The following VWC2L variants were observed in gnomAD, a reference collection of about 807,000 sequenced individuals.
VWC2L encodes von Willebrand factor C domain containing 2 like, also known as von Willebrand factor C domain-containing protein 2-like.
Under a neutral mutation model 21.6 loss-of-function variants are expected in VWC2L, and 10 were observed. That is an observed-to-expected ratio of 0.46 (90% CI 0.29 to 0.78). VWC2L has a LOEUF of 0.78. VWC2L is among the 30% of genes least tolerant of loss of function. The probability of loss-of-function intolerance (pLI) is 0.10; values close to 1 mark genes in which losing one functional copy is unlikely to be tolerated. For missense variants in VWC2L, 209 were observed against 277.1 expected, an observed-to-expected ratio of 0.75 and a Z score of 1.74; for synonymous variants, 96 against 94.3, an observed-to-expected ratio of 1.02 and a Z score of -0.10.
At chr2:214,508,180 G>A (rs1049439900) in intron 3 of VWC2L, among the ~76,000 whole-genome samples, 1 of 152,040 alleles carries the variant, frequency 6.6e-6, no homozygotes, top group Non-Finnish European at 1.5e-5. Flanking sequence ...GTTTTACCGT[G>A]TTAGCCAGGA....
intron 3 of VWC2L, among the ~76,000 whole-genome samples, chr2:214,458,841 T>G (rs889161589): frequency 5.3e-5 from 8 of 152,216 alleles, no homozygotes; most frequent in Non-Finnish European, 7.4e-5. Context: ...GCCTAACATA[T>G]GGTCTATCCC....
chr2:214,505,449 T>C (rs1688954745), intron 3 of VWC2L, among the ~76,000 whole-genome samples: 1 of 152,206 alleles, frequency 6.6e-6, no homozygotes, highest in African/African-American at 2.4e-5. Flanking sequence ...AAATCAGCTT[T>C]TGTTCCATGT....
At chr2:214,494,543 C>G (rs1050453729) in intron 3 of VWC2L, among the ~76,000 whole-genome samples, 6 of 152,132 alleles carry the variant, frequency 3.9e-5, no homozygotes, top group Non-Finnish European at 7.3e-5. Context: ...TCTTTAACCT[C>G]TCATGTTTGT....
At chr2:214,517,508 T>C (rs764160830) in intron 3 of VWC2L, among the ~76,000 whole-genome samples, 17 of 152,150 alleles carry the variant, frequency 1.1e-4, no homozygotes, top group Admixed American at 6.5e-4. Flanking sequence ...GATCCAGGTG[T>C]CAGTATTTCT....
intron 3 of VWC2L, among the ~76,000 whole-genome samples, chr2:214,555,207 G>A (rs959527663): frequency 2.0e-5 from 3 of 152,082 alleles, no homozygotes; most frequent in Non-Finnish European, 4.4e-5. Context: ...CCTATGACCT[G>A]GAAGACCCTT....
chr2:214,511,456 G>C (rs971222051), intron 3 of VWC2L, among the ~76,000 whole-genome samples: 1 of 152,088 alleles, frequency 6.6e-6, no homozygotes, highest in African/African-American at 2.4e-5. Flanking sequence ...AATGCCGTAA[G>C]ACTGTGGCCT....
chr2:214,522,349 T>C (rs1047106763), intron 3 of VWC2L, among the ~76,000 whole-genome samples: 11 of 115,540 alleles, frequency 9.5e-5, no homozygotes, highest in African/African-American at 3.7e-4. Context: ...CACTCCAGGC[T>C]GGGGGACAGA....
chr2:214,532,659 GGTT>G (rs1208454835), intron 3 of VWC2L, among the ~76,000 whole-genome samples: 1 of 152,078 alleles, frequency 6.6e-6, no homozygotes, highest in Non-Finnish European at 1.5e-5. Flanking sequence ...TTTTGTGTAT[GGTT>G]GTTGTGTTTC....
rs1574646663 is a variant in VWC2L at position 214,577,384 on chromosome 2, A to T, written c.*1564A>T. The T allele has an allele frequency of 6.6e-6, 1 of 152,200 alleles. No individual in the cohort carries two copies. The highest frequency in any genetic ancestry group is 1.5e-5 in the Non-Finnish European group (1 of 68,090). The allele number at this position is 152,200 out of a possible 1,614,324, so 9.4% of individuals were successfully genotyped here. ...CCTGTGTGCTTTTAGGATGTTTAGC[A>T]CCATCACTGGCCTCTATCCACTAGC... On this transcript the variant is annotated 3_prime_UTR_variant, in exon 4 of 4. Transcript: ENST00000312504.
chr2:214,532,345 T>C (rs568974349), intron 3 of VWC2L, among the ~76,000 whole-genome samples: 16 of 152,006 alleles, frequency 1.1e-4, no homozygotes, highest in Non-Finnish European at 2.2e-4. Context: ...CACATGGATA[T>C]TACTGAGGTA....
At chr2:214,467,504 G>A (rs529201389) in intron 3 of VWC2L, among the ~76,000 whole-genome samples, 1 of 152,308 alleles carries the variant, frequency 6.6e-6, no homozygotes, top group African/African-American at 2.4e-5. Context: ...CCATTTATTA[G>A]TTACCCATCT....
In VWC2L at chr2:214,529,032, C is replaced by T. The variant is rs141837402; in HGVS notation, c.521-46640C>T. ...AGCAGGTATACATAAACAAATTATA[C>T]ATCACTATTCCTTAAGTGAGAAACT... On this transcript the variant is annotated intron_variant, in intron 3 of 3. Coordinates refer to ENST00000312504, the MANE Select transcript of VWC2L (RefSeq NM_001080500.4). Among the ~76,000 whole-genome samples the T allele has an allele frequency of 3.9e-5, 6 of 152,218 alleles. No individual in the cohort carries two copies. In the East Asian group the frequency reaches 1.2e-3, roughly 29 times the overall value.
At chr2:214,518,606 CT>C (rs1689182112) in intron 3 of VWC2L, among the ~76,000 whole-genome samples, 1 of 152,204 alleles carries the variant, frequency 6.6e-6, no homozygotes, top group South Asian at 2.1e-4. Flanking sequence ...TTTTATGGCA[CT>C]TTCCCCCTTC....
At chr2:214,562,720 G>A (rs1190743309) in intron 3 of VWC2L, among the ~76,000 whole-genome samples, 1 of 152,144 alleles carries the variant, frequency 6.6e-6, no homozygotes, top group African/African-American at 2.4e-5. Flanking sequence ...GTTTTGACTT[G>A]CATTTCTTTA....
intron 3 of VWC2L, among the ~76,000 whole-genome samples, chr2:214,504,777 C>T (rs1374920611): frequency 2.6e-5 from 4 of 152,150 alleles, no homozygotes. Context: ...TCACAACAAG[C>T]CTGTTGGGCA....
chr2:214,474,679 T>C (rs2126194479), intron 3 of VWC2L, among the ~76,000 whole-genome samples: 1 of 152,266 alleles, frequency 6.6e-6, no homozygotes, highest in East Asian at 1.9e-4. Context: ...ATGCTACTTT[T>C]GTGACCTTGA....
At chr2:214,439,951 A>T (rs1702739496) in intron 3 of VWC2L, among the ~76,000 whole-genome samples, 2 of 151,946 alleles carry the variant, frequency 1.3e-5, no homozygotes, top group Admixed American at 6.6e-5. Flanking sequence ...TCCCTAAACA[A>T]TGGTACCATG....
chr2:214,467,630 G>A (rs1021747616), intron 3 of VWC2L, among the ~76,000 whole-genome samples: 1 of 152,038 alleles, frequency 6.6e-6, no homozygotes, highest in Admixed American at 6.6e-5. Flanking sequence ...GGCCCCAGCT[G>A]GAAGAGCATA....
chr2:214,442,487 G>T (rs1702775515), intron 3 of VWC2L, among the ~76,000 whole-genome samples: 1 of 151,970 alleles, frequency 6.6e-6, no homozygotes, highest in African/African-American at 2.4e-5. Context: ...TTTTATTTTT[G>T]CATGTTGCAT....
Sources: allele counts gnomAD v4.1 joint callset (sites outside exome capture counted in the v4.1 genomes callset), GRCh38; gene constraint gnomAD v4.1.1; transcripts MANE v1.5; gene names NCBI Gene and HGNC (gene_info 2026-07-23, HGNC 2026-07-21).